The following CFAP61 variants were observed in gnomAD, a reference collection of about 807,000 sequenced individuals.
CFAP61 encodes cilia and flagella associated protein 61.
CFAP61 carries 107 observed loss-of-function variants against 135.6 expected under a neutral mutation model. The ratio of observed to expected loss-of-function variants is 0.79; its 90% CI spans 0.67 to 0.93. CFAP61 has a LOEUF of 0.93. Among genes scored for constraint, CFAP61 ranks in the 40% least tolerant of loss-of-function variants. The pLI, the probability that CFAP61 is intolerant of heterozygous loss-of-function variation, is 0.00. For synonymous variants in CFAP61, 575 were observed against 578.5 expected (o/e 0.99, Z 0.09); for missense variants, 1,507 against 1,556.2 (o/e 0.97, Z 0.53).
At chr20:20,297,878 T>TTCCACTTATTA (rs1222950541) in intron 24 of CFAP61, among the ~76,000 whole-genome samples, 2 of 152,244 alleles carry the variant, frequency 1.3e-5, no homozygotes, top group African/African-American at 4.8e-5. Flanking sequence ...ATAAACCCAG[T>TTCCACTTATTA]TCCACTTATT....
intron 22 of CFAP61, among the ~76,000 whole-genome samples, chr20:20,278,531 C>T (rs1333850077): frequency 2.0e-5 from 3 of 152,126 alleles, no homozygotes; most frequent in Non-Finnish European, 4.4e-5. Flanking sequence ...TTGTGTAGGT[C>T]AAGGGTGTGT....
intron 25 of CFAP61, among the ~76,000 whole-genome samples, chr20:20,315,338 T>C (rs1452168168): frequency 1.3e-5 from 2 of 151,654 alleles, no homozygotes; most frequent in African/African-American, 4.8e-5. Flanking sequence ...ATGTCTTCTT[T>C]TGAGAAGTGT....
intron 2 of CFAP61, among the ~76,000 whole-genome samples, chr20:20,057,074 G>A (rs940148668): frequency 1.5e-4 from 22 of 144,036 alleles, no homozygotes; most frequent in African/African-American, 5.0e-4. Flanking sequence ...GCCAAGACAC[G>A]CCACTGCACT....
chr20:20,269,795 T>C (rs1349854960), intron 21 of CFAP61, among the ~76,000 whole-genome samples: 13 of 152,188 alleles, frequency 8.5e-5, no homozygotes, highest in Non-Finnish European at 1.5e-5. Context: ...TGGAGTATAT[T>C]TTAGTAACGT....
chr20:20,326,842 T>C (rs2057767232), intron 25 of CFAP61, among the ~76,000 whole-genome samples: 1 of 152,170 alleles, frequency 6.6e-6, no homozygotes. Context: ...ATAAAAATTA[T>C]TTTTGGAATT....
At chr20:20,185,912 A>T (rs1384967559) in intron 13 of CFAP61, among the ~76,000 whole-genome samples, 1 of 152,204 alleles carries the variant, frequency 6.6e-6, no homozygotes, top group Non-Finnish European at 1.5e-5. Flanking sequence ...GATCTGGTTT[A>T]GCTGATATTT....
intron 25 of CFAP61, among the ~76,000 whole-genome samples, chr20:20,329,695 C>T (rs1171463809): frequency 6.6e-6 from 1 of 152,246 alleles, no homozygotes; most frequent in Non-Finnish European, 1.5e-5. Context: ...GCCCACTGCC[C>T]CCCACCTTGC....
chr20:20,304,342 G>A (rs1170054523), intron 25 of CFAP61, among the ~76,000 whole-genome samples: 1 of 148,992 alleles, frequency 6.7e-6, no homozygotes, highest in Non-Finnish European at 1.5e-5. Context: ...TTGATCAATG[G>A]ATTGATTTAC....
rs779823358 is a variant in CFAP61 at position 20,277,267 on chromosome 20, C to T, written c.2605C>T (p.Pro869Ser). The T allele has an allele frequency of 1.2e-5, 19 of 1,613,974 alleles. No homozygotes were observed. The highest frequency in any genetic ancestry group is 1.7e-5 in the Admixed American group (1 of 60,010). ...SGSRIHLVQP[P>S]PASTITCINN... ...CAGCCGCATCCACCTCGTGCAGCCC[C>T]CGCCCGCCTCCACCATCACCTGCAT... Residue 869 changes from proline (P) to serine (S), a missense_variant, in exon 22 of 27, where the codon CCG becomes TCG. Coordinates refer to ENST00000245957, the MANE Select transcript of CFAP61 (RefSeq NM_015585.4).
intron 7 of CFAP61, among the ~76,000 whole-genome samples, chr20:20,091,962 G>A (rs930636838): frequency 3.3e-5 from 5 of 152,220 alleles, no homozygotes; most frequent in African/African-American, 7.2e-5. Context: ...GATTACAGGC[G>A]TGAGCCACCG....
intron 6 of CFAP61, 58 bp downstream of exon 6, chr20:20,075,673 A>G: frequency 6.3e-7 from 1 of 1,587,452 alleles, no homozygotes; most frequent in Non-Finnish European, 8.6e-7. Context: ...TCATCTTCCC[A>G]AGACTCTTTA....
intron 22 of CFAP61, among the ~76,000 whole-genome samples, chr20:20,286,695 T>C (rs1048905901): frequency 7.2e-5 from 11 of 152,218 alleles, no homozygotes; most frequent in African/African-American, 2.7e-4. Context: ...TTGTAACACA[T>C]GTTCTTATTA....
chr20:20,139,466 A>G (rs757999947), intron 8 of CFAP61, among the ~76,000 whole-genome samples: 1 of 152,270 alleles, frequency 6.6e-6, no homozygotes, highest in Non-Finnish European at 1.5e-5. Flanking sequence ...CTTAGATGGT[A>G]TAAGCCATAA....
In CFAP61 at chr20:20,062,590, A is replaced by G. The variant is rs1174494744; in HGVS notation, c.143+5794A>G. Among the ~76,000 whole-genome samples, 5 of 152,150 alleles carry G rather than the reference A, an allele frequency of 3.3e-5. No individual in the cohort carries two copies. The East Asian group carries it at 9.6e-4, about 29-fold the overall frequency. On this transcript the variant is annotated intron_variant, in intron 2 of 26. Coordinates refer to ENST00000245957, the MANE Select transcript of CFAP61 (RefSeq NM_015585.4). ...CAAAAGTTTGTTCTTTAAAAAGCCT[A>G]AAGAAAAAAAAAATCTGACAAGATT...
chr20:20,262,211 C>G (rs2052299654), intron 20 of CFAP61, among the ~76,000 whole-genome samples: 1 of 152,198 alleles, frequency 6.6e-6, no homozygotes, highest in Non-Finnish European at 1.5e-5. Context: ...GGTTCCCTCC[C>G]CTGGTCCTGG....
chr20:20,086,647 A>G (rs1253824111), intron 6 of CFAP61, among the ~76,000 whole-genome samples: 1 of 152,106 alleles, frequency 6.6e-6, no homozygotes, highest in Admixed American at 6.6e-5. Flanking sequence ...CACTGCTGTC[A>G]GTGTAAATGG....
intron 26 of CFAP61, among the ~76,000 whole-genome samples, chr20:20,355,291 G>A (rs957716537): frequency 1.4e-5 from 2 of 138,978 alleles, no homozygotes; most frequent in African/African-American, 5.6e-5. Context: ...CACACTGTGA[G>A]GGGAGGTCAC....
intron 17 of CFAP61, among the ~76,000 whole-genome samples, chr20:20,219,728 T>C (rs544756077): frequency 1.3e-5 from 2 of 152,340 alleles, no homozygotes; most frequent in South Asian, 4.1e-4. Context: ...TTCATATATT[T>C]CTTTGATTTC....
At position 20,300,634 on chromosome 20, in the gene CFAP61, T is replaced by C. The variant is rs181921628; in HGVS notation, c.3422+2248T>C. ...TTTTTTTTTTTTTTGAGATGGAGTC[T>C]CACTCTGTTGCCCAGGCTGGAGTAT... On this transcript the variant is annotated intron_variant, in intron 25 of 26. Transcript: ENST00000245957. Among the ~76,000 whole-genome samples the C allele has an allele frequency of 2.7e-3, 403 of 151,316 alleles. 2 individuals are homozygous for C. Among genetic ancestry groups the C allele is most frequent in the African/African-American group, 9.3e-3 (383 of 41,048 alleles).
Sources: gnomAD v4.1 joint callset for allele counts (sites outside exome capture counted in the v4.1 genomes callset) on GRCh38, gnomAD v4.1.1 for gene constraint, MANE v1.5 for transcripts, NCBI Gene and HGNC (gene_info 2026-07-23, HGNC 2026-07-21) for gene names.